Variants in NEK10 observed in about 807,000 individuals in gnomAD.
NEK10 encodes serine/threonine-protein kinase Nek10.
In NEK10, 122 loss-of-function variants were observed where a neutral mutation model predicts 159.8. The ratio of observed to expected loss-of-function variants is 0.76; its 90% confidence interval spans 0.66 to 0.89. NEK10 has a LOEUF of 0.89. Among genes scored for constraint, NEK10 ranks in the 40% least tolerant of loss-of-function variants. NEK10 has a pLI of 0.00. For missense variants in NEK10, 1,342 were observed against 1,323.1 expected, an observed-to-expected ratio of 1.01 and a Z score of -0.22; for synonymous variants, 466 against 457.1, an observed-to-expected ratio of 1.02 and a Z score of -0.25.
chr3:27,255,095 A>G (rs918676448), intron 23 of NEK10: 1 of 163,130 alleles, frequency 6.1e-6, no homozygotes, highest in Admixed American at 6.5e-5. Context: ...GTTCAGAGAT[A>G]TATGATTACT....
At chr3:27,366,031 CTGA>C (rs1203391438) in intron 1 of NEK10, among the ~76,000 whole-genome samples, 1 of 152,138 alleles carries the variant, frequency 6.6e-6, no homozygotes. Flanking sequence ...TGTCCACAAG[CTGA>C]TGATTACTAT....
At chr3:27,135,698 G>A (rs1013503699) in intron 31 of NEK10, among the ~76,000 whole-genome samples, 3 of 152,184 alleles carry the variant, frequency 2.0e-5, no homozygotes, top group African/African-American at 7.2e-5. Flanking sequence ...TACTGCATAA[G>A]AGGATATTTC....
chr3:27,155,793 T>G (rs1214597867), intron 30 of NEK10, among the ~76,000 whole-genome samples: 1 of 152,012 alleles, frequency 6.6e-6, no homozygotes, highest in Non-Finnish European at 1.5e-5. Flanking sequence ...AAAACAATTC[T>G]AAAATTCATA....
At chr3:27,190,180 T>A (rs1948986876) in intron 26 of NEK10, among the ~76,000 whole-genome samples, 1 of 152,158 alleles carries the variant, frequency 6.6e-6, no homozygotes, top group Admixed American at 6.5e-5. Flanking sequence ...TACCCCTTAA[T>A]TTACGGATGA....
At chr3:27,205,210 A>T (rs1559608156) in intron 23 of NEK10, among the ~76,000 whole-genome samples, 1 of 151,448 alleles carries the variant, frequency 6.6e-6, no homozygotes, top group African/African-American at 2.4e-5. Flanking sequence ...ATAAAAGAGG[A>T]TACAAACAAA....
chr3:27,169,569 T>C (rs1007478525), intron 29 of NEK10, among the ~76,000 whole-genome samples: 8 of 152,302 alleles, frequency 5.3e-5, no homozygotes, highest in South Asian at 4.1e-4. Flanking sequence ...CCACCCTAAC[T>C]CCTCCTGATC....
At chr3:27,161,645 C>T (rs1050714978) in intron 30 of NEK10, among the ~76,000 whole-genome samples, 1 of 152,154 alleles carries the variant, frequency 6.6e-6, no homozygotes, top group Admixed American at 6.5e-5. Flanking sequence ...TACTGATGGA[C>T]TTTGGTCCTC....
intron 22 of NEK10, among the ~76,000 whole-genome samples, chr3:27,260,798 A>C (rs2040342112): frequency 6.6e-6 from 1 of 152,190 alleles, no homozygotes; most frequent in African/African-American, 2.4e-5. Context: ...AAGGAATGGT[A>C]CCAGCTCTTC....
intron 23 of NEK10, among the ~76,000 whole-genome samples, chr3:27,227,379 T>C (rs2149188321): frequency 6.6e-6 from 1 of 152,306 alleles, no homozygotes; most frequent in African/African-American, 2.4e-5. Flanking sequence ...TTCTCTTCCA[T>C]AGCTCCCAGC....
intron 23 of NEK10, among the ~76,000 whole-genome samples, chr3:27,224,478 A>G (rs1159062014): frequency 1.3e-5 from 2 of 152,192 alleles, no homozygotes; most frequent in Admixed American, 6.5e-5. Flanking sequence ...ACTTTCATCA[A>G]TGAGAGACAG....
At chr3:27,274,033 A>C (rs1408390330) in intron 22 of NEK10, among the ~76,000 whole-genome samples, 1 of 152,080 alleles carries the variant, frequency 6.6e-6, no homozygotes, top group Non-Finnish European at 1.5e-5. Context: ...TTAATATTAA[A>C]ATTATTTCTA....
intron 23 of NEK10, among the ~76,000 whole-genome samples, chr3:27,209,701 C>T (rs1950836270): frequency 6.6e-6 from 1 of 152,214 alleles, no homozygotes; most frequent in Admixed American, 6.5e-5. Flanking sequence ...TGGGCCACGA[C>T]TGGTTTCTAG....
intron 26 of NEK10, among the ~76,000 whole-genome samples, chr3:27,187,089 C>T (rs144029076): frequency 6.8e-4 from 104 of 152,188 alleles, no homozygotes; most frequent in African/African-American, 2.4e-3. Context: ...TGGGTTTAAG[C>T]CATGATGATA....
At position 27,141,541 on chromosome 3, in the gene NEK10, T is replaced by C. The variant is rs1257515714; in HGVS notation, c.2911A>G (p.Ile971Val). The C allele has an allele frequency of 5.6e-6, 9 of 1,613,436 alleles. No homozygotes were observed. The highest frequency in any genetic ancestry group is 7.6e-6 in the Non-Finnish European group (9 of 1,179,616). The change falls in exon 31 of 36, where the codon ATC (isoleucine) becomes GTC (valine). Residue 971 changes from isoleucine (I) to valine (V), a missense_variant. Coordinates refer to ENST00000691995, the MANE Select transcript of NEK10 (RefSeq NM_001394966.1). ...IAVSQRKVRQ[I>V]SDPIQQILIQ... The stretch of plus-strand genomic sequence containing the variant: ...AATATCTGCTGAATAGGATCACTGA[T>C]CTGACGCACTTTCCTCTGGGACACA...
At chr3:27,222,496 A>G (rs1202173856) in intron 23 of NEK10, among the ~76,000 whole-genome samples, 1 of 152,260 alleles carries the variant, frequency 6.6e-6, no homozygotes, top group Non-Finnish European at 1.5e-5. Context: ...ATAATACAAA[A>G]GAATGAAAAA....
rs557231839 is a variant in NEK10, at chr3:27,171,184, C to T, written c.2831+635G>A. ...TCAATCTAATAGTTTTGTTTCAGTC[C>T]CTACTCTAAGAAACAACTGTCACTG... On this transcript the variant is annotated intron_variant, in intron 29 of 35. Transcript: ENST00000691995. 1.2e-4 allele frequency among the ~76,000 whole-genome samples: 19 copies of T among 152,194 alleles called. No homozygotes were observed. The East Asian group carries it at 3.7e-3, about 29-fold the overall frequency.
chr3:27,189,973 G>T, intron 26 of NEK10, among the ~76,000 whole-genome samples: 1 of 152,098 alleles, frequency 6.6e-6, no homozygotes. Flanking sequence ...CTGACATAAG[G>T]ATTTAATGTA....
chr3:27,185,803 C>T (rs1347086312), intron 26 of NEK10, among the ~76,000 whole-genome samples: 1 of 152,112 alleles, frequency 6.6e-6, no homozygotes. Context: ...GTGGACAGTG[C>T]AGAGGTGATA....
At chr3:27,247,090 C>T (rs1033995630) in intron 23 of NEK10, among the ~76,000 whole-genome samples, 3 of 152,158 alleles carry the variant, frequency 2.0e-5, no homozygotes, top group Non-Finnish European at 2.9e-5. Context: ...TTGACTTCTT[C>T]CTTCCCAATT....
Sources: gnomAD v4.1 joint callset for allele counts (sites outside exome capture counted in the v4.1 genomes callset) on GRCh38, gnomAD v4.1.1 for gene constraint, MANE v1.5 for transcripts, NCBI Gene and HGNC (gene_info 2026-07-23, HGNC 2026-07-21) for gene names.